The following RIMS2 variants were observed in gnomAD, a reference collection of about 807,000 sequenced individuals.
RIMS2 encodes regulating synaptic membrane exocytosis protein 2.
RIMS2 carries 59 observed loss-of-function variants against 174.4 expected under a neutral mutation model. The ratio of observed to expected loss-of-function variants is 0.34; its 90% CI spans 0.27 to 0.42. The LOEUF (loss-of-function observed/expected upper bound fraction) is 0.42, where lower values mean the gene tolerates loss of function less well. RIMS2 is among the 10% of genes least tolerant of loss of function. The pLI is 1.00. For synonymous variants in RIMS2, 606 were observed against 572.5 expected (o/e 1.06, Z -0.84); for missense variants, 1,620 against 1,666.3 (o/e 0.97, Z 0.48).
chr8:103,768,247 T>C (rs2098202522), intron 3 of RIMS2: 1 of 490,840 alleles, frequency 2.0e-6, no homozygotes, highest in Non-Finnish European at 3.7e-6. Context: ...GGGCTCTTTT[T>C]CGTGGTGCCT....
intron 13 of RIMS2, among the ~76,000 whole-genome samples, chr8:103,941,496 A>C (rs1379795499): frequency 6.6e-6 from 1 of 152,098 alleles, no homozygotes; most frequent in Non-Finnish European, 1.5e-5. Context: ...CAAAAACAAA[A>C]AATAAAGAAT....
intron 1 of RIMS2, 73 bp from the exon 3 acceptor site, chr8:103,652,551 A>T: frequency 1.3e-6 from 1 of 762,398 alleles, no homozygotes; most frequent in South Asian, 1.4e-5. Flanking sequence ...TATTTTTATT[A>T]TGGATAAGAA....
At chr8:103,573,255 G>A (rs1184972586) in intron 1 of RIMS2, among the ~76,000 whole-genome samples, 1 of 151,606 alleles carries the variant, frequency 6.6e-6, no homozygotes, top group Non-Finnish European at 1.5e-5. Context: ...GTAGAGATGA[G>A]GTTTCACTAT....
chr8:104,079,608 T>G (rs1282685860), intron 19 of RIMS2, among the ~76,000 whole-genome samples: 2 of 70,420 alleles, frequency 2.8e-5, no homozygotes, highest in South Asian at 5.4e-4. Flanking sequence ...GATATATATA[T>G]ATATATATAT....
chr8:104,056,341 T>C (rs1169803100), intron 19 of RIMS2, among the ~76,000 whole-genome samples: 1 of 150,904 alleles, frequency 6.6e-6, no homozygotes, highest in Non-Finnish European at 1.5e-5. Flanking sequence ...GAGGCAGAGG[T>C]TGCAGTGAGC....
intron 2 of RIMS2, among the ~76,000 whole-genome samples, chr8:103,718,549 A>T (rs2097402395): frequency 6.6e-6 from 1 of 152,134 alleles, no homozygotes; most frequent in African/African-American, 2.4e-5. Context: ...AAACTTTGGG[A>T]TTACCTCCTT....
intron 1 of RIMS2, among the ~76,000 whole-genome samples, chr8:103,572,911 T>C (rs553484609): frequency 1.3e-5 from 2 of 152,292 alleles, no homozygotes; most frequent in Admixed American, 1.3e-4. Context: ...TTTAATTAGG[T>C]CCCAGTTGTC....
At position 103,646,562 on chromosome 8, in the gene RIMS2, G is replaced by A. The variant is rs977146259; in HGVS notation, c.177-50524G>A. On this transcript the variant is annotated intron_variant, in intron 1 of 23. Coordinates refer to ENST00000504942, the Ensembl canonical transcript of RIMS2. ...CTCTCTCCGCACCCAGTTCCGACAG[G>A]CCTCAGTGTTTGTTGTTTCCCCCAT... Among the ~76,000 whole-genome samples the A allele has an allele frequency of 2.0e-5, 3 of 152,010 alleles. No homozygotes were observed. The East Asian group carries it at 5.8e-4, about 29-fold the overall frequency.
At chr8:103,852,552 G>A (rs1225645122) in intron 3 of RIMS2, among the ~76,000 whole-genome samples, 3 of 151,362 alleles carry the variant, frequency 2.0e-5, no homozygotes, top group East Asian at 3.9e-4. Flanking sequence ...CCCAAACCTC[G>A]CTCTCTCCCT....
chr8:104,229,789 A>G (rs1216133528), intron 19 of RIMS2, among the ~76,000 whole-genome samples: 2 of 151,880 alleles, frequency 1.3e-5, no homozygotes, highest in Non-Finnish European at 2.9e-5. Context: ...CAAAGAAGAG[A>G]TTTCACTTAC....
chr8:104,217,156 A>G (rs1304094412), intron 19 of RIMS2, among the ~76,000 whole-genome samples: 3 of 152,198 alleles, frequency 2.0e-5, no homozygotes, highest in Non-Finnish European at 2.9e-5. Flanking sequence ...AGCTTACTCA[A>G]TAAGTTTATT....
At chr8:103,636,788 ACCC>A (rs768545308) in intron 1 of RIMS2, among the ~76,000 whole-genome samples, 2 of 43,594 alleles carry the variant, frequency 4.6e-5, no homozygotes, top group African/African-American at 2.3e-4. Flanking sequence ...CCACCCCCGC[ACCC>A]CCCCCCCCCC....
intron 1 of RIMS2, among the ~76,000 whole-genome samples, chr8:103,578,931 A>T (rs1006160496): frequency 6.6e-6 from 1 of 152,026 alleles, no homozygotes; most frequent in African/African-American, 2.4e-5. Flanking sequence ...TGGAGGTTGC[A>T]CTGAGCTGAG....
At chr8:103,987,076 G>A (rs1424819131) in intron 16 of RIMS2, among the ~76,000 whole-genome samples, 3 of 152,016 alleles carry the variant, frequency 2.0e-5, no homozygotes, top group Non-Finnish European at 4.4e-5. Flanking sequence ...GATAAAAAAG[G>A]AAAGTTGCCT....
intron 19 of RIMS2, among the ~76,000 whole-genome samples, chr8:104,226,912 A>G (rs917479895): frequency 1.3e-5 from 2 of 152,242 alleles, no homozygotes; most frequent in Non-Finnish European, 2.9e-5. Context: ...TTATTATATG[A>G]CATTTCCTTT....
intron 1 of RIMS2, among the ~76,000 whole-genome samples, chr8:103,520,729 G>C (rs975252407): frequency 5.3e-5 from 8 of 152,044 alleles, no homozygotes; most frequent in Non-Finnish European, 1.2e-4. Flanking sequence ...TTTCAAGGCT[G>C]TTCATTACTT....
chr8:103,638,796 T>C (rs370367273), intron 1 of RIMS2, among the ~76,000 whole-genome samples: 1 of 152,036 alleles, frequency 6.6e-6, no homozygotes, highest in East Asian at 1.9e-4. Flanking sequence ...TCACTGCAAT[T>C]GGGATGTCAC....
chr8:104,157,002 A>T (rs2098728621), intron 19 of RIMS2, among the ~76,000 whole-genome samples: 1 of 152,194 alleles, frequency 6.6e-6, no homozygotes, highest in Non-Finnish European at 1.5e-5. Flanking sequence ...ACCCTATAGG[A>T]TATGGCATGT....
chr8:103,970,462 G>A (rs2092736629), intron 15 of RIMS2, among the ~76,000 whole-genome samples: 1 of 152,190 alleles, frequency 6.6e-6, no homozygotes, highest in Non-Finnish European at 1.5e-5. Flanking sequence ...CCTCTTGGAA[G>A]CATGAGGAGA....
Sources: allele counts gnomAD v4.1 joint callset (sites outside exome capture counted in the v4.1 genomes callset), GRCh38; gene constraint gnomAD v4.1.1; transcripts MANE v1.5; gene names NCBI Gene and HGNC (gene_info 2026-07-23, HGNC 2026-07-21).